EXOSC10: variants seen among roughly 807,000 people sequenced by gnomAD.
EXOSC10 encodes the protein exosome complex component 10.
Under a neutral mutation model 126.6 loss-of-function variants are expected in EXOSC10, and 94 were observed. The ratio of observed to expected loss-of-function variants is 0.74; its 90% CI spans 0.63 to 0.88. The LOEUF (loss-of-function observed/expected upper bound fraction) is 0.88. Ranked by LOEUF, EXOSC10 falls within the 40% of genes least tolerant of loss-of-function variation. EXOSC10 has a pLI of 0.00. For synonymous variants in EXOSC10, 395 were observed against 400.8 expected, an observed-to-expected ratio of 0.99 and a Z score of 0.17; for missense variants, 1,041 against 1,100.5, an observed-to-expected ratio of 0.95 and a Z score of 0.77.
chr1:11,081,043 C>T (rs1640135579), intron 11 of EXOSC10, 39 bp downstream of exon 11: 1 of 1,608,304 alleles, frequency 6.2e-7, no homozygotes, highest in Non-Finnish European at 8.5e-7. Context: ...GACACAGAGC[C>T]CAAGTGTCGC....
At position 11,078,500 on chromosome 1, in the gene EXOSC10, G is replaced by A. The variant is rs374896570; in HGVS notation, c.1750-849C>T. 3.6e-3 allele frequency among the ~76,000 whole-genome samples: 546 copies of A among 151,830 alleles called. 9 individuals are homozygous for A. The highest frequency in any genetic ancestry group is 0.013 in the African/African-American group (518 of 41,368). ...TCTCGATCTCCTGACCTCGTGATCC[G>A]CCCGCCTCGGCCTCCCAAAGTGCTG... On this transcript the variant is annotated intron_variant, in intron 14 of 24. Transcript: ENST00000376936.
At chr1:11,089,657 G>T (rs1557714149) in intron 6 of EXOSC10, among the ~76,000 whole-genome samples, 1 of 150,774 alleles carries the variant, frequency 6.6e-6, no homozygotes, top group Non-Finnish European at 1.5e-5. Flanking sequence ...AAGAAAGAAA[G>T]AAAACATGGG....
chr1:11,077,160 T>A (rs1207543551), intron 16 of EXOSC10: 1 of 628,900 alleles, frequency 1.6e-6, no homozygotes, highest in Admixed American at 2.9e-5. Flanking sequence ...CCAGCTAATT[T>A]TTGTATTTTT....
chr1:11,073,306 G>A (rs1639616562), intron 19 of EXOSC10, among the ~76,000 whole-genome samples: 1 of 151,964 alleles, frequency 6.6e-6, no homozygotes, highest in African/African-American at 2.4e-5. Flanking sequence ...CTAATTTTTT[G>A]TATTTTTAGT....
intron 23 of EXOSC10, 37 bp from the exon 24 acceptor site, chr1:11,068,121 C>T (rs750268062): frequency 6.4e-6 from 10 of 1,564,202 alleles, no homozygotes; most frequent in Admixed American, 1.7e-5. Flanking sequence ...TGGGTGGGCA[C>T]CTTGACCACA....
rs867863524 is a variant in EXOSC10 at position 11,074,074 on chromosome 1, C to T, written c.2083-66G>A. The stretch of plus-strand genomic sequence containing the variant: ...GGAATCTAGAGCCACGGGGCAGAAG[C>T]GCTCAGATGGGGGGTTGCTGGTGCC... On this transcript the variant is annotated intron_variant, in intron 18 of 24. Transcript: ENST00000376936. 40 of 1,500,528 alleles carry T rather than the reference C, an allele frequency of 2.7e-5. No homozygotes were observed. The African/African-American group carries it at 3.6e-4, about 13-fold the overall frequency. The allele number at this position is 1,500,528 out of a possible 1,614,324, so 93.0% of individuals were successfully genotyped here.
chr1:11,066,835 A>T, intron 24 of EXOSC10, 87 bp from the exon 25 acceptor site: 1 of 1,498,638 alleles, frequency 6.7e-7, no homozygotes, highest in Non-Finnish European at 9.3e-7. Context: ...AATCTTAATC[A>T]TGCAGAACAG....
chr1:11,074,657 C>G (rs987324850), intron 17 of EXOSC10, among the ~76,000 whole-genome samples: 63 of 152,250 alleles, frequency 4.1e-4, no homozygotes, highest in African/African-American at 1.5e-3. Context: ...AAGTGGTCCA[C>G]CCGCCTTGGC....
intron 17 of EXOSC10, 63 bp downstream of exon 17, chr1:11,076,779 T>G: frequency 3.2e-6 from 4 of 1,266,766 alleles, no homozygotes; most frequent in Non-Finnish European, 4.6e-6. Context: ...GACAGCCTGC[T>G]GAATAAATCC....
intron 1 of EXOSC10, 189 bp downstream of exon 1, chr1:11,099,532 C>A (rs992307927): frequency 2.2e-5 from 12 of 548,100 alleles, no homozygotes; most frequent in Non-Finnish European, 3.3e-5. Context: ...AGCGGGACGC[C>A]CCTCAGTGTC....
rs1481374464 is a variant in EXOSC10 at position 11,080,785 on chromosome 1, C to T, written c.1565G>A (p.Arg522His). Residue 522 changes from arginine (R) to histidine (H), a missense_variant, in exon 12 of 25, where the codon CGC (arginine) becomes CAC (histidine). Physicochemically the swap from Arg to His is conservative, Grantham distance 29. This residue lies in a region of EXOSC10 where 645 missense variants were observed against 656.3 expected (regional missense o/e 0.98). Coordinates refer to ENST00000376936, the MANE Select transcript of EXOSC10 (RefSeq NM_001001998.3). Reference protein sequence around the residue: ...LLFAWRDKTARREDESYGYVL... With the variant: ...LLFAWRDKTAHREDESYGYVL... ...TTACCCGTAACTTTCATCTTCCCTG[C>T]GAGCTGTTTTATCCCTCCAGGCAAA... 12 of 1,614,006 alleles carry T rather than the reference C, an allele frequency of 7.4e-6. No individual in the cohort carries two copies. Among genetic ancestry groups the T allele is most frequent in the East Asian group, 2.2e-5 (1 of 44,900 alleles).
rs755229263 is a variant in EXOSC10 at position 11,095,781 on chromosome 1, T to G, written c.349A>C (p.Asn117His). The change falls in exon 3 of 25, where the codon AAT becomes CAT. Residue 117 changes from asparagine (N) to histidine (H), a missense_variant. Around this residue, in one of 3 missense-constraint regions of EXOSC10, gnomAD observed 645 missense variants for 656.3 expected, o/e 0.98. Transcript: ENST00000376936. ...ACCACTCTCTCCAGAATTACATCAT[T>G]GGCATCAACTAGTAAATCAAACTTG... is the stretch of plus-strand genomic sequence containing the variant. Reference protein sequence around the residue: ...EDKFDLLVDANDVILERVGIL... With the variant: ...EDKFDLLVDAHDVILERVGIL... 3 of 1,614,172 alleles carry G rather than the reference T, an allele frequency of 1.9e-6. No individual in the cohort carries two copies. Among genetic ancestry groups the G allele is most frequent in the South Asian group, 2.2e-5 (2 of 91,084 alleles).
intron 8 of EXOSC10, 51 bp from the exon 9 acceptor site, chr1:11,087,642 A>G (rs945025727): frequency 6.3e-7 from 1 of 1,588,282 alleles, no homozygotes; most frequent in African/African-American, 1.4e-5. Flanking sequence ...ATTATATTAG[A>G]CTTTCCTTTA....
At chr1:11,074,458 G>A (rs2100961596) in intron 17 of EXOSC10, 132 bp from the exon 18 acceptor site, 1 of 633,848 alleles carries the variant, frequency 1.6e-6, no homozygotes, top group Non-Finnish European at 2.8e-6. Flanking sequence ...TTTTGCCCAG[G>A]CTGGAGTACA....
At position 11,069,602 on chromosome 1, in the gene EXOSC10, A is replaced by G; in HGVS notation, c.2445T>C (p.Phe815=). ...PKDPEPPEKE[F]TPYDYSQSDF... ...CTGACTGGCTGTAGTCGTAAGGCGT[A>G]AACTCTTTTTCTGGTGGCTCTGGGT... is the stretch of plus-strand genomic sequence containing the variant. The change falls in exon 22 of 25, where the codon TTT becomes TTC. Residue 815 remains phenylalanine (F), a synonymous_variant. Coordinates refer to ENST00000376936, the MANE Select transcript of EXOSC10 (RefSeq NM_001001998.3). 3 of 1,614,124 alleles carry G rather than the reference A, an allele frequency of 1.9e-6. No individual in the cohort carries two copies. Among genetic ancestry groups the G allele is most frequent in the Non-Finnish European group, 1.7e-6 (2 of 1,180,038 alleles).
chr1:11,094,844 C>T lies in EXOSC10; in HGVS notation c.372+914G>A, dbSNP rs185118488. ...TTGAACTCCTGACCTCAGGTGATCA[C>T]CCGCCTTGGCCTCCCAAAGTTCTGG... On this transcript the variant is annotated intron_variant, in intron 3 of 24. Coordinates refer to ENST00000376936, the MANE Select transcript of EXOSC10 (RefSeq NM_001001998.3). 1.8e-3 allele frequency among the ~76,000 whole-genome samples: 267 copies of T among 152,116 alleles called. 3 individuals carry two copies. The highest frequency in any genetic ancestry group is 6.3e-3 in the African/African-American group (262 of 41,526).
At chr1:11,092,206 C>T (rs1366309195) in intron 3 of EXOSC10, among the ~76,000 whole-genome samples, 2 of 152,140 alleles carry the variant, frequency 1.3e-5, no homozygotes, top group Admixed American at 6.6e-5. Flanking sequence ...TTCAAGTACA[C>T]TTACCACCTG....
chr1:11,074,083 G>A (rs946320989), intron 18 of EXOSC10, 75 bp from the exon 19 acceptor site: 6 of 1,469,220 alleles, frequency 4.1e-6, no homozygotes, highest in South Asian at 3.4e-5. Flanking sequence ...GCGCTCAGAT[G>A]GGGGGTTGCT....
chr1:11,067,523 G>A (rs1467144977), intron 24 of EXOSC10, among the ~76,000 whole-genome samples: 1 of 151,770 alleles, frequency 6.6e-6, no homozygotes, highest in Non-Finnish European at 1.5e-5. Context: ...AGACTTGCTT[G>A]AACCCAGGAG....
Sources: allele counts gnomAD v4.1 joint callset (sites outside exome capture counted in the v4.1 genomes callset), GRCh38; gene constraint gnomAD v4.1.1; regional missense constraint gnomAD v4.1.1; transcripts MANE v1.5; gene names NCBI Gene and HGNC (gene_info 2026-07-23, HGNC 2026-07-21).